The following NSUN3 variants were observed in gnomAD, a reference collection of about 807,000 sequenced individuals.
NSUN3 encodes the protein NOP2/Sun RNA methyltransferase 3.
NSUN3 carries 24 observed loss-of-function variants against 36.8 expected under a neutral mutation model. The observed-to-expected ratio is 0.65, with a 90% CI of 0.47 to 0.92. NSUN3 has a LOEUF of 0.92. NSUN3 is among the 40% of genes least tolerant of loss of function. The probability of loss-of-function intolerance (pLI) is 0.00; values close to 1 mark genes in which losing one functional copy is unlikely to be tolerated. For missense variants in NSUN3, 381 were observed against 392.8 expected (o/e 0.97, Z 0.25); for synonymous variants, 146 against 145.2 (o/e 1.01, Z -0.04).
intron 5 of NSUN3, among the ~76,000 whole-genome samples, chr3:94,098,131 G>A (rs1461108572): frequency 6.6e-6 from 1 of 152,108 alleles, no homozygotes; most frequent in Non-Finnish European, 1.5e-5. Context: ...CTCGATTTTA[G>A]TAAATGCCAC....
At chr3:94,083,830 A>G (rs967409661) in intron 2 of NSUN3, among the ~76,000 whole-genome samples, 1 of 152,170 alleles carries the variant, frequency 6.6e-6, no homozygotes, top group African/African-American at 2.4e-5. Flanking sequence ...TCTTGCCTCA[A>G]TAATGTAATA....
intron 5 of NSUN3, among the ~76,000 whole-genome samples, chr3:94,113,356 T>A (rs1006862939): frequency 1.3e-5 from 2 of 152,230 alleles, no homozygotes; most frequent in Non-Finnish European, 2.9e-5. Context: ...CAAATAACTG[T>A]CTTGCCTTAG....
intron 3 of NSUN3, chr3:94,085,465 T>C (rs959070502): frequency 6.6e-6 from 1 of 152,156 alleles, no homozygotes; most frequent in East Asian, 1.9e-4. Flanking sequence ...GATAAGAAGA[T>C]GGAAATGTTG....
At chr3:94,115,431 A>G (rs991804948) in intron 5 of NSUN3, among the ~76,000 whole-genome samples, 1 of 152,198 alleles carries the variant, frequency 6.6e-6, no homozygotes, top group Non-Finnish European at 1.5e-5. Context: ...AGGAAGGGAC[A>G]TGAATAAAGA....
chr3:94,095,352 C>T (rs931831526), intron 5 of NSUN3, among the ~76,000 whole-genome samples, 198 bp downstream of exon 5: 1 of 152,192 alleles, frequency 6.6e-6, no homozygotes, highest in East Asian at 1.9e-4. Context: ...TCCCTCCACC[C>T]CCAGTGATGT....
intron 5 of NSUN3, among the ~76,000 whole-genome samples, chr3:94,110,816 A>ATG (rs541709907): frequency 0.02 from 2,990 of 146,346 alleles, 29 homozygotes; most frequent in East Asian, 0.037. Flanking sequence ...ATATACATAT[A>ATG]TGTGTGTGTG....
chr3:94,063,997 C>T (rs2077192935), intron 1 of NSUN3: 1 of 157,944 alleles, frequency 6.3e-6, no homozygotes. Context: ...TACAGGCGCC[C>T]ACCACTACTC....
At chr3:94,073,287 G>C (rs1464538995) in intron 2 of NSUN3, among the ~76,000 whole-genome samples, 1 of 152,178 alleles carries the variant, frequency 6.6e-6, no homozygotes, top group Admixed American at 6.5e-5. Context: ...CCTTATAGTA[G>C]AAGGATTTAT....
At chr3:94,105,678 C>T (rs2077385896) in intron 5 of NSUN3, among the ~76,000 whole-genome samples, 1 of 151,970 alleles carries the variant, frequency 6.6e-6, no homozygotes, top group Non-Finnish European at 1.5e-5. Flanking sequence ...TAGCTAGAGG[C>T]AGGGTATCTT....
At chr3:94,108,125 A>C (rs1304473160) in intron 5 of NSUN3, among the ~76,000 whole-genome samples, 1 of 151,934 alleles carries the variant, frequency 6.6e-6, no homozygotes, top group African/African-American at 2.4e-5. Flanking sequence ...CTTAGAAAAA[A>C]ATGTAAGAAT....
At chr3:94,105,409 C>T (rs144695459) in intron 5 of NSUN3, among the ~76,000 whole-genome samples, 50 of 152,286 alleles carry the variant, frequency 3.3e-4, no homozygotes, top group East Asian at 1.5e-3. Flanking sequence ...ACCATGCCAT[C>T]GACCTAAATG....
At position 94,094,211 on chromosome 3, in the gene NSUN3, C is replaced by T. The variant is rs919091070; in HGVS notation, c.538C>T (p.Pro180Ser). The part of the protein sequence containing the change: ...WLRQTLESFI[P>S]QPLINVIKVS... ...AAGGCAGACGTTGGAATCTTTCATCCCACAGCCTTTGATAAATGTAATTAA... is the reference window on the plus strand; with the variant it reads ...AAGGCAGACGTTGGAATCTTTCATCTCACAGCCTTTGATAAATGTAATTAA... The change falls in exon 4 of 6, where the codon CCA becomes TCA. Residue 180 changes from proline (P) to serine (S), a missense_variant. Pro to Ser is a moderately conservative substitution (Grantham distance 74). Transcript: ENST00000314622. The T allele has an allele frequency of 6.2e-7, 1 of 1,613,386 alleles. No individual in the cohort carries two copies. Among genetic ancestry groups the T allele is most frequent in the Non-Finnish European group, 8.5e-7 (1 of 1,179,504 alleles).
intron 2 of NSUN3, among the ~76,000 whole-genome samples, chr3:94,072,708 G>A (rs1054262185): frequency 8.3e-5 from 11 of 133,214 alleles, no homozygotes; most frequent in Non-Finnish European, 1.2e-4. Context: ...CAAAAATTTC[G>A]TTTGTTCTAT....
rs2077500259 is a variant in NSUN3 at position 94,129,325 on chromosome 3, A to G, written c.*2835A>G. Among the ~76,000 whole-genome samples the G allele has an allele frequency of 5.3e-5, 8 of 152,242 alleles. No individual in the cohort carries two copies. In the South Asian group the frequency reaches 1.7e-3, roughly 32 times the overall value. ...CCTCGTGTAATATTACACAGTGATA[A>G]AAAAGAATGAAATAATGTCTTTTGC... is the stretch of plus-strand genomic sequence containing the variant. On this transcript the variant is annotated 3_prime_UTR_variant, in exon 6 of 6. Transcript: ENST00000314622.
chr3:94,110,730 A>ATG (rs1410626773), intron 5 of NSUN3, among the ~76,000 whole-genome samples: 112 of 149,702 alleles, frequency 7.5e-4, no homozygotes, highest in African/African-American at 2.8e-3. Context: ...GGAGATATAC[A>ATG]TGTATACACA....
intron 5 of NSUN3, among the ~76,000 whole-genome samples, chr3:94,096,340 G>C (rs529141221): frequency 6.6e-6 from 1 of 152,130 alleles, no homozygotes; most frequent in African/African-American, 2.4e-5. Flanking sequence ...GTATACTTCT[G>C]ATGTCCACCT....
intron 5 of NSUN3, among the ~76,000 whole-genome samples, chr3:94,099,905 C>T (rs1471479157): frequency 6.6e-6 from 1 of 151,994 alleles, no homozygotes; most frequent in East Asian, 1.9e-4. Flanking sequence ...CCAATCTTTC[C>T]TCAGCTAGCT....
chr3:94,116,982 CAA>C (rs2077442339), intron 5 of NSUN3, among the ~76,000 whole-genome samples: 1 of 128,228 alleles, frequency 7.8e-6, no homozygotes, highest in Admixed American at 8.2e-5. Context: ...GAATCTGCCA[CAA>C]CTTTTTTTTT....
At position 94,128,276 on chromosome 3, in the gene NSUN3, GT is replaced by G. The variant is rs1361843157; in HGVS notation, c.*1788del. ...ATAAAAATAAAGTAACGCTAGAACT[GT>G]TGGACCAAATCAAGTATATGGGTAA... On this transcript the variant is annotated 3_prime_UTR_variant, in exon 6 of 6. Coordinates refer to ENST00000314622, the MANE Select transcript of NSUN3 (RefSeq NM_022072.5). The G allele has an allele frequency of 6.6e-6, 1 of 152,054 alleles. No homozygotes were observed. 9.4% of individuals were successfully genotyped at this position (152,054 alleles called of 1,614,324 possible). A position where few individuals can be genotyped will look rare whatever the true frequency, so the allele number is the denominator to read the frequency against.
Sources: allele counts gnomAD v4.1 joint callset (sites outside exome capture counted in the v4.1 genomes callset), GRCh38; gene constraint gnomAD v4.1.1; transcripts MANE v1.5; gene names NCBI Gene and HGNC (gene_info 2026-07-23, HGNC 2026-07-21).